IAPP: variants seen among roughly 807,000 people sequenced by gnomAD.
IAPP encodes Islet amyloid polypeptide (diabetes-associated peptide; amylin).
In IAPP, 4 loss-of-function variants were observed where a neutral mutation model predicts 2.9. The ratio of observed to expected loss-of-function variants is 1.39; its 90% CI spans 0.69 to 3.19. IAPP has a LOEUF of 3.19. Ranked by LOEUF, IAPP falls within the 30% of genes most tolerant of loss-of-function variation. The pLI, the probability that IAPP is intolerant of heterozygous loss-of-function variation, is 0.01. For missense variants in IAPP, 114 were observed against 105.3 expected (o/e 1.08, Z -0.36); for synonymous variants, 40 against 42.1 (o/e 0.95, Z 0.19).
upstream of IAPP, among the ~76,000 whole-genome samples, chr12:21,370,267 C>CAT (rs1187135365): frequency 6.6e-6 from 1 of 151,866 alleles, no homozygotes; most frequent in Non-Finnish European, 1.5e-5. Flanking sequence ...TGGGATATCG[C>CAT]ATATCAATTT....
At chr12:21,356,212 TA>T (rs1254853027) in intron 1 of IAPP, among the ~76,000 whole-genome samples, 1 of 151,976 alleles carries the variant, frequency 6.6e-6, no homozygotes, top group African/African-American at 2.4e-5. Flanking sequence ...ATGTAAGAAT[TA>T]AATTTAAAAT....
intron 1 of IAPP, among the ~76,000 whole-genome samples, chr12:21,361,221 T>C (rs1938843583): frequency 6.6e-6 from 1 of 152,148 alleles, no homozygotes; most frequent in Non-Finnish European, 1.5e-5. Flanking sequence ...ACATCTGCTG[T>C]TCTGCAATAT....
At chr12:21,371,239 C>T (rs1477816722), upstream of IAPP, among the ~76,000 whole-genome samples, 1 of 152,122 alleles carries the variant, frequency 6.6e-6, no homozygotes, top group Non-Finnish European at 1.5e-5. Flanking sequence ...GGGGGCGTGT[C>T]TTATGGAAAG....
At chr12:21,358,714 G>GA (rs1337226981) in intron 1 of IAPP, among the ~76,000 whole-genome samples, 2 of 151,098 alleles carry the variant, frequency 1.3e-5, no homozygotes, top group African/African-American at 4.9e-5. Flanking sequence ...GAACAATATT[G>GA]AAAAAATTAA....
upstream of IAPP, among the ~76,000 whole-genome samples, chr12:21,371,921 G>C (rs984717316): frequency 2.6e-5 from 4 of 151,742 alleles, no homozygotes; most frequent in Admixed American, 2.0e-4. Flanking sequence ...AGAATCACTT[G>C]AACCCGGGAG....
chr12:21,378,166 T>C, intron 2 of IAPP, 71 bp from the exon 3 acceptor site: 1 of 1,358,872 alleles, frequency 7.4e-7, no homozygotes, highest in Non-Finnish European at 1.0e-6. Context: ...TACAAGATAT[T>C]TGATGTCACA....
chr12:21,361,748 G>C (rs1049137745), intron 1 of IAPP, among the ~76,000 whole-genome samples: 2 of 152,208 alleles, frequency 1.3e-5, no homozygotes, highest in Non-Finnish European at 2.9e-5. Flanking sequence ...CGTGACGCAT[G>C]TACAAGCTTC....
chr12:21,377,032 T>A (rs964053729), intron 2 of IAPP, among the ~76,000 whole-genome samples: 1 of 152,186 alleles, frequency 6.6e-6, no homozygotes, highest in Non-Finnish European at 1.5e-5. Flanking sequence ...AGAGTTGGTA[T>A]ACAAATAAAT....
chr12:21,373,355 G>A lies in IAPP; in HGVS notation c.4G>A (p.Gly2Ser), dbSNP rs557866734. 16 of 1,610,354 alleles carry A rather than the reference G, an allele frequency of 9.9e-6. 1 individual carries two copies. The highest frequency in any genetic ancestry group is 1.7e-4 in the Middle Eastern group (1 of 6,050). The change falls in exon 2 of 3, where the codon GGC (glycine) becomes AGC (serine). Residue 2 changes from glycine to serine, a missense_variant. By Grantham distance (56) the Gly-to-Ser change is moderately conservative. Coordinates refer to ENST00000240652, the MANE Select transcript of IAPP (RefSeq NM_000415.3). ...TTTGCAGAAAATTTGAGAAGCAATG[G>A]GCATCCTGAAGCTGCAAGTATTTCT... Reference protein sequence around the residue: MGILKLQVFLIV... With the variant: MSILKLQVFLIV...
At chr12:21,364,082 GAA>G (rs1476534493) in intron 1 of IAPP, among the ~76,000 whole-genome samples, 1 of 152,134 alleles carries the variant, frequency 6.6e-6, no homozygotes, top group Non-Finnish European at 1.5e-5. Context: ...AAGCCTGGCA[GAA>G]ACACAACAAA....
chr12:21,357,136 G>T lies in IAPP; in HGVS notation c.-16+2123G>T, dbSNP rs897178501. 3.9e-5 allele frequency among the ~76,000 whole-genome samples: 6 copies of T among 152,248 alleles called. No homozygotes were observed. The East Asian group carries it at 1.2e-3, about 29-fold the overall frequency. On this transcript the variant is annotated intron_variant, in intron 1 of 2. Coordinates refer to the IAPP transcript ENST00000539393. ...GGGTTGAACTGTGTCCCTGCAAAAT[G>T]CATCTGTTGAAGTCCAAATAGTACC...
intron 1 of IAPP, among the ~76,000 whole-genome samples, chr12:21,364,241 A>T (rs1194243240): frequency 6.6e-6 from 1 of 152,228 alleles, no homozygotes; most frequent in African/African-American, 2.4e-5. Context: ...GGCTGGTTCA[A>T]CATATGCAAA....
intron 1 of IAPP, among the ~76,000 whole-genome samples, chr12:21,365,791 T>C (rs1422390022): frequency 6.6e-6 from 1 of 152,046 alleles, no homozygotes; most frequent in East Asian, 1.9e-4. Context: ...AACAGACACA[T>C]GAAAAAATGC....
At chr12:21,377,462 C>T (rs1489714119) in intron 2 of IAPP, among the ~76,000 whole-genome samples, 1 of 152,058 alleles carries the variant, frequency 6.6e-6, no homozygotes, top group African/African-American at 2.4e-5. Flanking sequence ...GCATGCAATA[C>T]ATTATTCTGG....
intron 1 of IAPP, among the ~76,000 whole-genome samples, chr12:21,364,209 T>G (rs576908359): frequency 2.2e-4 from 33 of 152,300 alleles, no homozygotes; most frequent in African/African-American, 7.5e-4. Context: ...ATGATCAAGT[T>G]GGCTTCATCC....
chr12:21,369,584 A>T (rs1467849768), upstream of IAPP, among the ~76,000 whole-genome samples: 2 of 152,236 alleles, frequency 1.3e-5, no homozygotes, highest in African/African-American at 4.8e-5. Flanking sequence ...GAGATATCAC[A>T]TATTATTCCA....
At chr12:21,367,546 A>G (rs1375622957) in intron 1 of IAPP, among the ~76,000 whole-genome samples, 1 of 152,126 alleles carries the variant, frequency 6.6e-6, no homozygotes, top group African/African-American at 2.4e-5. Flanking sequence ...ATCATATTTT[A>G]TCATTCTCTG....
intron 1 of IAPP, 134 bp from the exon 2 acceptor site, chr12:21,373,203 T>C: frequency 1.5e-6 from 1 of 673,040 alleles, no homozygotes; most frequent in Non-Finnish European, 2.6e-6. Flanking sequence ...AGGGACTGTA[T>C]CAATAAAAAT....
At chr12:21,376,922 C>T (rs1267041836) in intron 2 of IAPP, among the ~76,000 whole-genome samples, 1 of 152,116 alleles carries the variant, frequency 6.6e-6, no homozygotes, top group South Asian at 2.1e-4. Context: ...ATTTCTCTAA[C>T]TTTCCTAATA....
Sources: allele counts gnomAD v4.1 joint callset (sites outside exome capture counted in the v4.1 genomes callset), GRCh38; gene constraint gnomAD v4.1.1; transcripts MANE v1.5; gene names NCBI Gene and HGNC (gene_info 2026-07-23, HGNC 2026-07-21).